SMARCA2: variants seen among roughly 807,000 people sequenced by gnomAD.
SMARCA2 encodes SWI/SNF related BAF chromatin remodeling complex subunit ATPase 2.
SMARCA2 carries 61 observed loss-of-function variants against 199.8 expected under a neutral mutation model. That is an observed-to-expected ratio of 0.31 (90% CI 0.25 to 0.38). The LOEUF (loss-of-function observed/expected upper bound fraction) is 0.38. Among genes scored for constraint, SMARCA2 ranks in the 10% least tolerant of loss-of-function variants. SMARCA2 has a pLI of 1.00. For synonymous variants in SMARCA2, 935 were observed against 732.0 expected (o/e 1.28, Z -4.48); for missense variants, 1,344 against 2,012.2 (o/e 0.67, Z 6.35).
intron 19 of SMARCA2, among the ~76,000 whole-genome samples, chr9:2,094,794 A>G (rs1024729448): frequency 1.3e-5 from 2 of 152,198 alleles, no homozygotes; most frequent in Non-Finnish European, 2.9e-5. Flanking sequence ...CACTTTGCAC[A>G]GGGCTTTTTC....
intron 9 of SMARCA2, among the ~76,000 whole-genome samples, chr9:2,065,354 G>C (rs772530053): frequency 2.0e-5 from 3 of 152,116 alleles, no homozygotes; most frequent in African/African-American, 7.2e-5. Flanking sequence ...ATACTAATGG[G>C]CACATACTCA....
At chr9:2,153,285 C>T (rs1825174699) in intron 27 of SMARCA2, among the ~76,000 whole-genome samples, 1 of 152,152 alleles carries the variant, frequency 6.6e-6, no homozygotes, top group Admixed American at 6.5e-5. Context: ...TCCTGTAATC[C>T]CAACACTTTG....
In SMARCA2 at chr9:2,170,053, A is replaced by T. The variant is rs979384251; in HGVS notation, c.4200-366A>T. Among the ~76,000 whole-genome samples, 6 of 152,158 alleles carry T rather than the reference A, an allele frequency of 3.9e-5. No individual in the cohort carries two copies. Among genetic ancestry groups the T allele is most frequent in the Non-Finnish European group, 7.3e-5 (5 of 68,030 alleles). Reference sequence around the variant, plus strand: ...TCCCCCATTTTACAAATGAGGGGCTAAACTCAGATAGACTAGCACTACCTT... The same window carrying T: ...TCCCCCATTTTACAAATGAGGGGCTTAACTCAGATAGACTAGCACTACCTT... On this transcript the variant is annotated intron_variant, in intron 28 of 33. Transcript: ENST00000349721. This position sits in a 1 kb window ranked among gnomAD's most constrained non-coding sequence, Gnocchi z 4.7.
rs1436498837 is a variant in SMARCA2, at chr9:2,170,542, C to G, written c.4253+70C>G. The G allele has an allele frequency of 2.5e-6, 4 of 1,610,832 alleles. No individual in the cohort carries two copies. Among genetic ancestry groups the G allele is most frequent in the Non-Finnish European group, 3.4e-6 (4 of 1,178,076 alleles). On this transcript the variant is annotated intron_variant, in intron 29 of 33. Transcript: ENST00000349721. The surrounding 1 kb of genome is among the most constrained non-coding windows in gnomAD (Gnocchi z 4.7). ...CCTCGTTACGTGAAACAGATTGAAT[C>G]ATATAATCGGCCTTTGGAAGCAAAT...
In SMARCA2 at chr9:2,088,503, G is replaced by T; in HGVS notation, c.2773G>T (p.Asp925Tyr). ...APFAMTGERV[D>Y]LNEEETILII... ...TCATAATAAGCCTCTCTTACAGGTG[G>T]ACTTAAATGAAGAAGAAACTATATT... Residue 925 changes from aspartate to tyrosine, a missense_variant, in exon 19 of 34, where the codon GAC becomes TAC. Physicochemically the swap from Asp to Tyr is radical, Grantham distance 160. Coordinates refer to ENST00000349721, the MANE Select transcript of SMARCA2 (RefSeq NM_003070.5). 6.4e-7 allele frequency: 1 copy of T among 1,574,164 alleles called. No homozygotes were observed. Among genetic ancestry groups the T allele is most frequent in the South Asian group, 1.2e-5 (1 of 82,784 alleles).
intron 27 of SMARCA2, among the ~76,000 whole-genome samples, chr9:2,131,219 G>C (rs1056473670): frequency 1.3e-5 from 2 of 152,168 alleles, no homozygotes; most frequent in African/African-American, 4.8e-5. Flanking sequence ...GTATGCCTTT[G>C]TCTCACAATG....
At chr9:2,060,676 T>C (rs756205023) in intron 8 of SMARCA2, 140 bp from the exon 9 acceptor site, 19 of 663,738 alleles carry the variant, frequency 2.9e-5, no homozygotes, top group Non-Finnish European at 4.6e-5. Context: ...CTCTGTGCAA[T>C]GGCTTGAACA....
intron 27 of SMARCA2, among the ~76,000 whole-genome samples, chr9:2,144,263 GGGA>G (rs1824609237): frequency 6.6e-6 from 1 of 152,156 alleles, no homozygotes; most frequent in Non-Finnish European, 1.5e-5. Flanking sequence ...TGAAATTTCA[GGGA>G]GGAGAGGGAA....
At chr9:2,163,870 A>C (rs1288367104) in intron 28 of SMARCA2, among the ~76,000 whole-genome samples, 2 of 152,194 alleles carry the variant, frequency 1.3e-5, no homozygotes, top group African/African-American at 4.8e-5. Context: ...ACATACTGCC[A>C]ACAGATTCGT....
In SMARCA2 at chr9:2,039,779, G is replaced by A. The variant is rs62639301; in HGVS notation, c.669G>A (p.Gln223=). 1,274 of 919,676 alleles carry A rather than the reference G, an allele frequency of 1.4e-3. 10 individuals are homozygous for A. In the African/African-American group the frequency reaches 0.031, roughly 22 times the overall value. 57.0% of individuals were successfully genotyped at this position (919,676 alleles called of 1,614,324 possible). A position where few individuals can be genotyped will look rare whatever the true frequency, so the allele number is the denominator to read the frequency against. ...PGLQQQQQQQ[Q]QQQQQQQQQQ... ...TGCAGCAACAACAGCAGCAGCAACA[G>A]CAGCAGCAGCAGCAGCAGCAGCAGC... The change falls in exon 4 of 34, where the codon CAG becomes CAA. Residue 223 remains glutamine (Q), a synonymous_variant. Coordinates refer to ENST00000349721, the MANE Select transcript of SMARCA2 (RefSeq NM_003070.5). The surrounding 1 kb of genome is among the most constrained non-coding windows in gnomAD (Gnocchi z 4.8).
chr9:2,192,467 C>A, intron 33 of SMARCA2: 2 of 526,092 alleles, frequency 3.8e-6, no homozygotes, highest in South Asian at 2.4e-5. Flanking sequence ...AGTGAAAGGG[C>A]ACAAACAATA....
At chr9:2,101,487 TAGGATAACCTCACTAAAAG>T (rs1406530029) in intron 21 of SMARCA2, 64 bp from the exon 22 acceptor site, 2 of 680,938 alleles carry the variant, frequency 2.9e-6, no homozygotes, top group Non-Finnish European at 4.8e-6. Flanking sequence ...TAGAAATAGG[TAGGATAACCTCACTAAAAG>T]AGTAATCATT....
At chr9:2,164,668 A>G (rs1261855352) in intron 28 of SMARCA2, among the ~76,000 whole-genome samples, 2 of 152,188 alleles carry the variant, frequency 1.3e-5, no homozygotes, top group Non-Finnish European at 2.9e-5. Flanking sequence ...AGAAACAGAA[A>G]ATGCCGTTTC....
At chr9:2,030,964 A>G (rs1002401188) in intron 2 of SMARCA2, among the ~76,000 whole-genome samples, 6 of 152,244 alleles carry the variant, frequency 3.9e-5, no homozygotes, top group Non-Finnish European at 1.5e-5. Flanking sequence ...GGAAAACAAT[A>G]CTGAGATAAA....
At chr9:2,087,263 T>C in intron 18 of SMARCA2, 192 bp downstream of exon 18, 1 of 641,296 alleles carries the variant, frequency 1.6e-6, no homozygotes, top group Admixed American at 3.0e-5. Context: ...ATGGATCTAG[T>C]GGTACATGGG....
At chr9:2,067,518 A>G (rs902349002) in intron 9 of SMARCA2, among the ~76,000 whole-genome samples, 2 of 152,114 alleles carry the variant, frequency 1.3e-5, no homozygotes, top group Non-Finnish European at 2.9e-5. Flanking sequence ...GGCTGGCAGC[A>G]TATATATTAC....
chr9:2,046,380 T>C (rs1440846409), intron 4 of SMARCA2, among the ~76,000 whole-genome samples: 1 of 152,244 alleles, frequency 6.6e-6, no homozygotes, highest in East Asian at 1.9e-4. Flanking sequence ...ATTGTTTTAT[T>C]CTGGTAACAT....
intron 29 of SMARCA2, among the ~76,000 whole-genome samples, chr9:2,177,087 CTTGATA>C (rs1037191569): frequency 7.2e-5 from 11 of 152,172 alleles, no homozygotes; most frequent in African/African-American, 2.4e-4. Context: ...TGCAGGCTCT[CTTGATA>C]AGTAGGGGCA....
intron 5 of SMARCA2, 26 bp from the exon 6 acceptor site, chr9:2,054,571 T>C (rs1314002064): frequency 6.2e-7 from 1 of 1,602,110 alleles, no homozygotes; most frequent in Admixed American, 1.7e-5. Context: ...CCTGCCCCCT[T>C]TTCCCCATTT....
Sources: gnomAD v4.1 joint callset for allele counts (sites outside exome capture counted in the v4.1 genomes callset) on GRCh38, gnomAD v4.1.1 for gene constraint, Gnocchi (gnomAD v3.1) non-coding constraint, MANE v1.5 for transcripts, NCBI Gene and HGNC (gene_info 2026-07-23, HGNC 2026-07-21) for gene names.